Variants in RPS6KA2 observed in about 807,000 individuals in gnomAD.
RPS6KA2 encodes ribosomal protein S6 kinase alpha-2.
In RPS6KA2, 42 loss-of-function variants were observed where a neutral mutation model predicts 91.8. The observed-to-expected ratio is 0.46, with a 90% CI of 0.36 to 0.59. The LOEUF is 0.59. Ranked by LOEUF, RPS6KA2 falls within the 20% of genes least tolerant of loss-of-function variation. RPS6KA2 has a pLI of 0.00. For missense variants in RPS6KA2, 798 were observed against 978.5 expected, an observed-to-expected ratio of 0.82 and a Z score of 2.46; for synonymous variants, 414 against 393.6, an observed-to-expected ratio of 1.05 and a Z score of -0.61.
At chr6:166,708,588 TAAG>T (rs1320954215) in intron 2 of RPS6KA2, among the ~76,000 whole-genome samples, 5 of 152,328 alleles carry the variant, frequency 3.3e-5, no homozygotes, top group Admixed American at 1.3e-4. Flanking sequence ...TGGCAAAAGC[TAAG>T]AAGTTAGAAG....
intron 1 of RPS6KA2, among the ~76,000 whole-genome samples, chr6:166,596,959 C>T (rs1411514294): frequency 3.3e-5 from 5 of 152,062 alleles, no homozygotes; most frequent in Admixed American, 1.3e-4. Flanking sequence ...TGTGGTGATT[C>T]ACCACAGATG....
intron 2 of RPS6KA2, among the ~76,000 whole-genome samples, chr6:166,641,717 C>CACAAAAAAAA (rs1787439119): frequency 7.6e-5 from 1 of 13,202 alleles, no homozygotes; most frequent in Non-Finnish European, 1.4e-4. Context: ...GAGACTCTGT[C>CACAAAAAAAA]ACAAAAAAAA....
chr6:166,638,336 G>GGA (rs1289605519), intron 2 of RPS6KA2, among the ~76,000 whole-genome samples: 1 of 152,246 alleles, frequency 6.6e-6, no homozygotes, highest in African/African-American at 2.4e-5. Flanking sequence ...GGACCCTCCA[G>GGA]GAGAGAGCAG....
At chr6:166,547,248 A>G (rs1192400840) in intron 1 of RPS6KA2, among the ~76,000 whole-genome samples, 1 of 152,182 alleles carries the variant, frequency 6.6e-6, no homozygotes, top group African/African-American at 2.4e-5. Context: ...AACTCACTCT[A>G]CAATGCTGCA....
chr6:166,639,108 A>G lies in RPS6KA2; in HGVS notation c.124-100324T>C, dbSNP rs2128549112. On this transcript the variant is annotated intron_variant, in intron 2 of 21. Coordinates refer to the RPS6KA2 transcript ENST00000503859. This position sits in a 1 kb window ranked among gnomAD's most constrained non-coding sequence, Gnocchi z 4.2. The stretch of plus-strand genomic sequence containing the variant: ...TAAGGTGCTCAATGGAGTTATTCGT[A>G]GAAATCCTAGAGTTTCACACAGAAA... Among the ~76,000 whole-genome samples the G allele has an allele frequency of 1.3e-5, 2 of 152,326 alleles. No individual in the cohort carries two copies. Among genetic ancestry groups the G allele is most frequent in the South Asian group, 4.1e-4 (2 of 4,830 alleles).
chr6:166,566,848 C>T (rs3778395), intron 1 of RPS6KA2, among the ~76,000 whole-genome samples: 13,858 of 152,248 alleles, frequency 0.091, 1,077 homozygotes, highest in African/African-American at 0.2. Context: ...ACACAGCCCA[C>T]GCAAAGCTGA....
chr6:166,694,054 A>G (rs1415288459), intron 2 of RPS6KA2, among the ~76,000 whole-genome samples: 2 of 152,244 alleles, frequency 1.3e-5, no homozygotes, highest in Non-Finnish European at 2.9e-5. Context: ...TCAGGAATTT[A>G]TGAGTCATTT....
chr6:166,540,450 T>G (rs1352235676), intron 1 of RPS6KA2, among the ~76,000 whole-genome samples: 1 of 7,916 alleles, frequency 1.3e-4, no homozygotes, highest in African/African-American at 9.9e-4. Flanking sequence ...AAAACAGTGG[T>G]TTTTTTTTGT....
intron 2 of RPS6KA2, among the ~76,000 whole-genome samples, chr6:166,830,756 G>A (rs1236915167): frequency 6.6e-6 from 1 of 152,142 alleles, no homozygotes; most frequent in Non-Finnish European, 1.5e-5. Context: ...TGAAAGCGGG[G>A]GCTGAAACCT....
At chr6:166,678,128 T>C (rs1473946229) in intron 2 of RPS6KA2, among the ~76,000 whole-genome samples, 1 of 152,166 alleles carries the variant, frequency 6.6e-6, no homozygotes, top group African/African-American at 2.4e-5. Flanking sequence ...ACAGCCCGGC[T>C]CAAGAACATA....
chr6:166,755,680 T>C (rs1020307250), intron 2 of RPS6KA2, among the ~76,000 whole-genome samples: 2 of 152,154 alleles, frequency 1.3e-5, no homozygotes, highest in African/African-American at 4.8e-5. Flanking sequence ...AACGCACTTA[T>C]GGATTAGCTT....
chr6:166,784,869 G>A (rs1376084551), intron 2 of RPS6KA2, among the ~76,000 whole-genome samples: 1 of 152,148 alleles, frequency 6.6e-6, no homozygotes, highest in African/African-American at 2.4e-5. Flanking sequence ...TTGGCTTGAT[G>A]AGTGCATTTG....
intron 2 of RPS6KA2, among the ~76,000 whole-genome samples, chr6:166,835,091 G>C (rs149784272): frequency 2.0e-5 from 3 of 152,102 alleles, no homozygotes; most frequent in African/African-American, 7.2e-5. Context: ...GAATTACACC[G>C]ACATCTGTGT....
chr6:166,609,618 G>C (rs1054345381), intron 1 of RPS6KA2, among the ~76,000 whole-genome samples: 1 of 151,572 alleles, frequency 6.6e-6, no homozygotes, highest in Non-Finnish European at 1.5e-5. Flanking sequence ...TCCTGACTCG[G>C]CCTCCTGAGT....
chr6:166,452,564 C>A (rs1779951945), intron 12 of RPS6KA2, among the ~76,000 whole-genome samples: 1 of 152,128 alleles, frequency 6.6e-6, no homozygotes, highest in Non-Finnish European at 1.5e-5. Context: ...ATCACATTAC[C>A]TGACTTCAAT....
chr6:166,673,966 C>T (rs1788550914), intron 2 of RPS6KA2, among the ~76,000 whole-genome samples: 1 of 152,188 alleles, frequency 6.6e-6, no homozygotes, highest in African/African-American at 2.4e-5. Context: ...ACATTTTCTC[C>T]TCAGTGAAAT....
chr6:166,802,942 G>A (rs9348180), intron 2 of RPS6KA2, among the ~76,000 whole-genome samples: 2,660 of 116,046 alleles, frequency 0.023, 79 homozygotes, highest in African/African-American at 0.073. Flanking sequence ...ATGTGTGTGT[G>A]TGTATATATA....
At chr6:166,857,582 A>G (rs1160891432) in intron 2 of RPS6KA2, among the ~76,000 whole-genome samples, 1 of 152,224 alleles carries the variant, frequency 6.6e-6, no homozygotes, top group Non-Finnish European at 1.5e-5. Flanking sequence ...GATCAGGCCC[A>G]TGCTCCTGCA....
At chr6:166,750,290 G>C (rs1791237984) in intron 2 of RPS6KA2, among the ~76,000 whole-genome samples, 1 of 152,184 alleles carries the variant, frequency 6.6e-6, no homozygotes, top group Non-Finnish European at 1.5e-5. Context: ...GTGCTCACCA[G>C]CCCAGGGCCC....
Sources: allele counts gnomAD v4.1 joint callset (sites outside exome capture counted in the v4.1 genomes callset), GRCh38; gene constraint gnomAD v4.1.1; non-coding constraint Gnocchi (gnomAD v3.1); transcripts MANE v1.5; gene names NCBI Gene and HGNC (gene_info 2026-07-23, HGNC 2026-07-21).